The following TACR1 variants were observed in gnomAD, a reference collection of about 807,000 sequenced individuals.
TACR1 encodes substance-P receptor.
TACR1 carries 25 observed loss-of-function variants against 35.8 expected under a neutral mutation model. The ratio of observed to expected loss-of-function variants is 0.70; its 90% confidence interval spans 0.51 to 0.98. TACR1 has a LOEUF of 0.98. TACR1 is among the 50% of genes least tolerant of loss of function. TACR1 has a pLI of 0.00. For missense variants in TACR1, 478 were observed against 522.9 expected (o/e 0.91, Z 0.84); for synonymous variants, 195 against 206.7 (o/e 0.94, Z 0.48).
At chr2:75,061,531 C>G (rs1208822340) in intron 2 of TACR1, among the ~76,000 whole-genome samples, 1 of 152,122 alleles carries the variant, frequency 6.6e-6, no homozygotes, top group African/African-American at 2.4e-5. Context: ...CCCTCTGTAC[C>G]TCTCTGACAC....
chr2:75,176,193 A>G (rs1675414628), intron 1 of TACR1, among the ~76,000 whole-genome samples: 1 of 152,088 alleles, frequency 6.6e-6, no homozygotes, highest in Admixed American at 6.5e-5. Flanking sequence ...ATTTTATTAT[A>G]AACTGCTTTT....
intron 1 of TACR1, among the ~76,000 whole-genome samples, chr2:75,140,469 T>C (rs1674380094): frequency 6.6e-6 from 1 of 152,034 alleles, no homozygotes; most frequent in Non-Finnish European, 1.5e-5. Flanking sequence ...ATGGAGTTGC[T>C]TTTGTCTTGG....
chr2:75,170,175 G>T (rs1434440901), intron 1 of TACR1, among the ~76,000 whole-genome samples: 2 of 152,134 alleles, frequency 1.3e-5, no homozygotes, highest in East Asian at 3.8e-4. Context: ...GTCATGTTGG[G>T]AACTGTTGGG....
At chr2:75,167,505 C>G (rs1219757388) in intron 1 of TACR1, among the ~76,000 whole-genome samples, 1 of 152,092 alleles carries the variant, frequency 6.6e-6, no homozygotes, top group Non-Finnish European at 1.5e-5. Context: ...CTACTACTTA[C>G]AAGAATTTAA....
chr2:75,184,098 A>C (rs1675625875), intron 1 of TACR1, among the ~76,000 whole-genome samples: 4 of 152,206 alleles, frequency 2.6e-5, no homozygotes, highest in African/African-American at 9.6e-5. Flanking sequence ...CAAAAACGTA[A>C]ATGAAATGTT....
At chr2:75,058,100 TTAGA>T (rs1429542709) in intron 2 of TACR1, among the ~76,000 whole-genome samples, 1 of 152,156 alleles carries the variant, frequency 6.6e-6, no homozygotes, top group Non-Finnish European at 1.5e-5. Flanking sequence ...TAAATATTGC[TTAGA>T]TAAACCCCAT....
chr2:75,156,082 A>G (rs1345874509), intron 1 of TACR1: 1 of 152,244 alleles, frequency 6.6e-6, no homozygotes, highest in East Asian at 1.9e-4. Flanking sequence ...TTGTTTACAT[A>G]TTGTCTATGG....
At chr2:75,142,020 T>C (rs1674417299) in intron 1 of TACR1, among the ~76,000 whole-genome samples, 2 of 152,234 alleles carry the variant, frequency 1.3e-5, no homozygotes, top group Admixed American at 1.3e-4. Context: ...ATGTATACTA[T>C]TTCAAATGAT....
intron 2 of TACR1, among the ~76,000 whole-genome samples, chr2:75,083,879 C>G (rs1459222316): frequency 2.6e-5 from 4 of 152,220 alleles, no homozygotes; most frequent in Non-Finnish European, 5.9e-5. Flanking sequence ...CAAACAGGGA[C>G]AATTTGACTT....
In TACR1 at chr2:75,056,719, A is replaced by T. The variant is rs534302715; in HGVS notation, c.585-2964T>A. 5.3e-4 allele frequency among the ~76,000 whole-genome samples: 80 copies of T among 152,344 alleles called. 1 individual carries two copies. In the South Asian group the frequency reaches 0.016, roughly 30 times the overall value. On this transcript the variant is annotated intron_variant, in intron 2 of 4. Coordinates refer to ENST00000305249, the MANE Select transcript of TACR1 (RefSeq NM_001058.4). ...TGAACATGCAAAGATAAATACGTAA[A>T]CATAATTTATCAGCCTTTAAAAAAT...
At chr2:75,054,003 C>T (rs1573457058) in intron 2 of TACR1, among the ~76,000 whole-genome samples, 1 of 152,020 alleles carries the variant, frequency 6.6e-6, no homozygotes, top group East Asian at 1.9e-4. Context: ...AATGAATACT[C>T]CTGTTCAGAT....
chr2:75,106,374 T>C (rs1673645210), intron 2 of TACR1, among the ~76,000 whole-genome samples: 1 of 152,040 alleles, frequency 6.6e-6, no homozygotes, highest in Non-Finnish European at 1.5e-5. Flanking sequence ...TCAGAAATCA[T>C]GGAACCTCTG....
In TACR1 at chr2:75,079,852, C is replaced by T. The variant is rs958167426; in HGVS notation, c.585-26097G>A. Among the ~76,000 whole-genome samples, 6 of 149,238 alleles carry T rather than the reference C, an allele frequency of 4.0e-5. No individual in the cohort carries two copies. The Admixed American group carries it at 4.1e-4, about 10-fold the overall frequency. ...CGTAACAATGTTCTGGAGTATTGAT[C>T]CCATGTTGGTCTTTGGAGTTATCTG... On this transcript the variant is annotated intron_variant, in intron 2 of 4. Coordinates refer to ENST00000305249, the MANE Select transcript of TACR1 (RefSeq NM_001058.4).
At chr2:75,079,736 C>CT (rs11367021) in intron 2 of TACR1, among the ~76,000 whole-genome samples, 3,976 of 114,160 alleles carry the variant, frequency 0.035, 208 homozygotes, top group African/African-American at 0.094. Context: ...AACCTAATGC[C>CT]TTTTTTTTTT....
At chr2:75,166,041 A>G (rs1675134821) in intron 1 of TACR1, among the ~76,000 whole-genome samples, 1 of 152,254 alleles carries the variant, frequency 6.6e-6, no homozygotes, top group Non-Finnish European at 1.5e-5. Context: ...CATTTCCTAA[A>G]GGGATACTTT....
chr2:75,183,912 A>C (rs1157405894), intron 1 of TACR1, among the ~76,000 whole-genome samples: 1 of 152,226 alleles, frequency 6.6e-6, no homozygotes, highest in East Asian at 1.9e-4. Context: ...AAAATAAGGA[A>C]TTTATATTAT....
intron 2 of TACR1, among the ~76,000 whole-genome samples, chr2:75,110,305 G>T (rs1231599198): frequency 6.6e-6 from 1 of 151,124 alleles, no homozygotes; most frequent in Non-Finnish European, 1.5e-5. Flanking sequence ...TTTTTCAAGT[G>T]ATAATATTTT....
At chr2:75,051,497 ACGGCTGCTTCCTCT>A in intron 3 of TACR1, 50 bp from the exon 4 acceptor site, 4 of 1,604,340 alleles carry the variant, frequency 2.5e-6, no homozygotes, top group Non-Finnish European at 3.4e-6. Flanking sequence ...CCCCTCTCTC[ACGGCTGCTTCCTCT>A]CTCCTCCCAC....
chr2:75,199,088 G>A lies in TACR1; in HGVS notation c.-154C>T. 1 of 942,900 alleles carries A rather than the reference G, an allele frequency of 1.1e-6. No individual in the cohort carries two copies. The highest frequency in any genetic ancestry group is 1.8e-5 in the South Asian group (1 of 55,844). The allele number at this position is 942,900 out of a possible 1,614,324, so 58.4% of individuals were successfully genotyped here. A position where few individuals can be genotyped will look rare whatever the true frequency, so the allele number is the denominator to read the frequency against. On this transcript the variant is annotated 5_prime_UTR_variant, in exon 1 of 5. Coordinates refer to ENST00000305249, the MANE Select transcript of TACR1 (RefSeq NM_001058.4). Reference sequence around the variant, plus strand: ...AGCACTCTTTTTGAAAGCTGAACTGGCGCTCAGAATATAAACGCTTCTGGA... The same window carrying A: ...AGCACTCTTTTTGAAAGCTGAACTGACGCTCAGAATATAAACGCTTCTGGA...
Sources: gnomAD v4.1 joint callset for allele counts (sites outside exome capture counted in the v4.1 genomes callset) on GRCh38, gnomAD v4.1.1 for gene constraint, MANE v1.5 for transcripts, NCBI Gene and HGNC (gene_info 2026-07-23, HGNC 2026-07-21) for gene names.